GRM7: variants seen among roughly 807,000 people sequenced by gnomAD.
GRM7 encodes the protein metabotropic glutamate receptor 7.
GRM7 carries 35 observed loss-of-function variants against 84.5 expected under a neutral mutation model. The ratio of observed to expected loss-of-function variants is 0.41; its 90% CI spans 0.32 to 0.55. The LOEUF (loss-of-function observed/expected upper bound fraction) is 0.55. Among genes scored for constraint, GRM7 ranks in the 20% least tolerant of loss-of-function variants. The pLI is 0.19. For missense variants in GRM7, 1,003 were observed against 1,194.6 expected, an observed-to-expected ratio of 0.84 and a Z score of 2.36; for synonymous variants, 487 against 455.1, an observed-to-expected ratio of 1.07 and a Z score of -0.89.
chr3:7,040,656 G>A (rs1476233913), intron 1 of GRM7, among the ~76,000 whole-genome samples: 1 of 152,036 alleles, frequency 6.6e-6, no homozygotes, highest in African/African-American at 2.4e-5. Context: ...AGGATTCCAA[G>A]TATGAATCTG....
intron 7 of GRM7, among the ~76,000 whole-genome samples, chr3:7,521,640 A>G (rs1278379638): frequency 6.6e-6 from 1 of 152,174 alleles, no homozygotes; most frequent in Non-Finnish European, 1.5e-5. Flanking sequence ...CTAATGGACT[A>G]AGACAATCAT....
chr3:7,138,406 A>T (rs1693838961), intron 1 of GRM7, among the ~76,000 whole-genome samples: 1 of 152,012 alleles, frequency 6.6e-6, no homozygotes, highest in Non-Finnish European at 1.5e-5. Flanking sequence ...TATCAAAGAT[A>T]CCATGAATAA....
At chr3:6,905,836 C>T (rs2125010607) in intron 1 of GRM7, among the ~76,000 whole-genome samples, 1 of 152,280 alleles carries the variant, frequency 6.6e-6, no homozygotes, top group East Asian at 1.9e-4. Context: ...TTGGGTGGTT[C>T]TTATCCCCTA....
At chr3:7,033,348 T>A (rs778017890) in intron 1 of GRM7, among the ~76,000 whole-genome samples, 7 of 152,128 alleles carry the variant, frequency 4.6e-5, no homozygotes, top group Non-Finnish European at 1.0e-4. Context: ...GGGATTATGC[T>A]ATTCAACTCA....
intron 1 of GRM7, among the ~76,000 whole-genome samples, chr3:7,093,046 G>C (rs533977717): frequency 6.6e-6 from 1 of 152,190 alleles, no homozygotes; most frequent in East Asian, 1.9e-4. Flanking sequence ...TTGGGTAACA[G>C]AACAAGACCC....
chr3:7,648,854 C>T (rs1295866281), intron 8 of GRM7, among the ~76,000 whole-genome samples: 2 of 152,084 alleles, frequency 1.3e-5, no homozygotes, highest in Non-Finnish European at 2.9e-5. Context: ...GACGTTGTGG[C>T]GTTCCTTTTG....
At chr3:7,334,981 C>T (rs554025181) in intron 4 of GRM7, among the ~76,000 whole-genome samples, 5 of 152,150 alleles carry the variant, frequency 3.3e-5, no homozygotes, top group Admixed American at 6.5e-5. Context: ...TTCAGTACAC[C>T]ATTGACAGCA....
At chr3:7,550,349 TCTCC>T (rs1693390898) in intron 7 of GRM7, among the ~76,000 whole-genome samples, 1 of 130,452 alleles carries the variant, frequency 7.7e-6, no homozygotes, top group Non-Finnish European at 1.6e-5. Flanking sequence ...CCTCCTCCCT[TCTCC>T]CTCCCTCCTT....
chr3:7,223,193 T>C (rs531735271), intron 2 of GRM7, among the ~76,000 whole-genome samples: 4 of 152,282 alleles, frequency 2.6e-5, no homozygotes, highest in South Asian at 2.1e-4. Flanking sequence ...TATTAGACTT[T>C]AAATATTTGG....
intron 9 of GRM7, among the ~76,000 whole-genome samples, chr3:7,713,985 T>A (rs1701688704): frequency 6.6e-6 from 1 of 152,058 alleles, no homozygotes; most frequent in South Asian, 2.1e-4. Context: ...AGAGAGCCAC[T>A]TGCATCAGGC....
intron 1 of GRM7, among the ~76,000 whole-genome samples, chr3:7,095,889 G>A (rs1001017393): frequency 4.6e-5 from 7 of 152,028 alleles, no homozygotes; most frequent in Non-Finnish European, 7.4e-5. Context: ...AGAAGCCTAT[G>A]AGAAAAATAG....
intron 1 of GRM7, among the ~76,000 whole-genome samples, chr3:7,124,023 T>C (rs529779608): frequency 9.8e-5 from 15 of 152,346 alleles, no homozygotes; most frequent in Middle Eastern, 3.4e-3. Flanking sequence ...TTTTCTAGTC[T>C]AGAAATTTTA....
chr3:6,895,085 G>A (rs1020507742), intron 1 of GRM7, among the ~76,000 whole-genome samples: 2 of 152,156 alleles, frequency 1.3e-5, no homozygotes, highest in Admixed American at 1.3e-4. Flanking sequence ...CTTTGTCTAT[G>A]AACCAGAGAA....
chr3:6,966,922 G>C (rs1559356996), intron 1 of GRM7, among the ~76,000 whole-genome samples: 2 of 152,068 alleles, frequency 1.3e-5, no homozygotes. Context: ...TTCACCTTCA[G>C]GTATCTCTCC....
intron 3 of GRM7, among the ~76,000 whole-genome samples, chr3:7,302,230 A>T (rs1242772022): frequency 1.3e-5 from 2 of 152,184 alleles, no homozygotes; most frequent in African/African-American, 4.8e-5. Flanking sequence ...GCACTCAGAG[A>T]TAACTGCTAA....
chr3:6,964,040 T>A (rs748571459), intron 1 of GRM7, among the ~76,000 whole-genome samples: 7 of 152,192 alleles, frequency 4.6e-5, no homozygotes, highest in Non-Finnish European at 1.0e-4. Flanking sequence ...TTCACCACCA[T>A]CCACCACCCC....
At chr3:7,629,077 C>T (rs753503850) in intron 8 of GRM7, among the ~76,000 whole-genome samples, 1 of 151,952 alleles carries the variant, frequency 6.6e-6, no homozygotes, top group Non-Finnish European at 1.5e-5. Flanking sequence ...TTTATGAAGG[C>T]TCTGTAAAAA....
intron 1 of GRM7, among the ~76,000 whole-genome samples, chr3:6,961,449 T>C (rs1214872483): frequency 6.6e-6 from 1 of 152,132 alleles, no homozygotes; most frequent in Non-Finnish European, 1.5e-5. Context: ...ACTGCTGAAT[T>C]GAGGAGGTAG....
chr3:7,258,830 A>G (rs1698303413), intron 2 of GRM7, among the ~76,000 whole-genome samples: 1 of 152,248 alleles, frequency 6.6e-6, no homozygotes, highest in South Asian at 2.1e-4. Context: ...ACAAATCAGA[A>G]GGAAAGAAGA....
Sources: allele counts gnomAD v4.1 joint callset (sites outside exome capture counted in the v4.1 genomes callset), GRCh38; gene constraint gnomAD v4.1.1; transcripts MANE v1.5; gene names NCBI Gene and HGNC (gene_info 2026-07-23, HGNC 2026-07-21).